Variants in KANK1 observed in about 807,000 individuals in gnomAD.
The protein encoded by KANK1 is KN motif and ankyrin repeat domain-containing protein 1.
In KANK1, 109 loss-of-function variants were observed where a neutral mutation model predicts 106.2. The ratio of observed to expected loss-of-function variants is 1.03; its 90% CI spans 0.88 to 1.20. The LOEUF (loss-of-function observed/expected upper bound fraction) is 1.20, where lower values mean the gene tolerates loss of function less well. KANK1 is among the 50% of genes most tolerant of loss of function. The probability of loss-of-function intolerance (pLI) is 0.00; values close to 1 mark genes in which losing one functional copy is unlikely to be tolerated. For missense variants in KANK1, 2,399 were observed against 1,710.7 expected (o/e 1.40, Z -7.10); for synonymous variants, 873 against 652.2 (o/e 1.34, Z -5.16).
At chr9:526,342 G>T (rs982328612) in intron 1 of KANK1, among the ~76,000 whole-genome samples, 1 of 151,648 alleles carries the variant, frequency 6.6e-6, no homozygotes, top group Non-Finnish European at 1.5e-5. Context: ...TTGAAATATG[G>T]CTTTTATTAT....
intron 1 of KANK1, among the ~76,000 whole-genome samples, chr9:546,408 CA>C (rs1177550143): frequency 6.6e-6 from 1 of 151,982 alleles, no homozygotes; most frequent in East Asian, 1.9e-4. Flanking sequence ...TATCCAGCCC[CA>C]AACACCAGTT....
chr9:719,387 A>C (rs1204155534), intron 3 of KANK1, among the ~76,000 whole-genome samples: 1 of 152,334 alleles, frequency 6.6e-6, no homozygotes, highest in East Asian at 1.9e-4. Flanking sequence ...TTTCAGTCCT[A>C]CCTGTTCTCA....
At chr9:650,364 C>A (rs1325137779) in intron 1 of KANK1, among the ~76,000 whole-genome samples, 2 of 152,124 alleles carry the variant, frequency 1.3e-5, no homozygotes, top group African/African-American at 4.8e-5. Context: ...TAGTGCGATT[C>A]CTCTTTTACT....
rs59188995 is a variant in KANK1 at position 571,564 on chromosome 9, T to TA, written c.-84+66824dup. Among the ~76,000 whole-genome samples, 1,223 of 136,880 alleles carry TA rather than the reference T, an allele frequency of 8.9e-3. 18 individuals are homozygous for TA. Among genetic ancestry groups the TA allele is most frequent in the African/African-American group, 0.03 (1,134 of 37,734 alleles). The allele number at this position is 136,880 out of a possible 152,430, so 89.8% of individuals were successfully genotyped here. ...GAAACAGCTATGCTTCACTTCTAAATAAAAAAAAAAAAAATTTTAAAAACG... is the reference window on the plus strand; with the variant it reads ...GAAACAGCTATGCTTCACTTCTAAATAAAAAAAAAAAAAAATTTTAAAAACG... On this transcript the variant is annotated intron_variant, in intron 1 of 11. Transcript: ENST00000382297.
chr9:734,191 T>C (rs138594316), intron 6 of KANK1: 1,700 of 148,054 alleles, frequency 0.011, 14 homozygotes, highest in Non-Finnish European at 0.017. Flanking sequence ...TAAAGGCCAA[T>C]TGGTGAAGCC....
intron 1 of KANK1, among the ~76,000 whole-genome samples, chr9:547,498 G>A (rs1168575767): frequency 6.6e-6 from 1 of 151,876 alleles, no homozygotes; most frequent in Non-Finnish European, 1.5e-5. Flanking sequence ...AAAACAGGAA[G>A]TGTCTTAATT....
chr9:744,867 C>G (rs535929395), intron 11 of KANK1: 293 of 1,412,236 alleles, frequency 2.1e-4, no homozygotes, highest in Middle Eastern at 1.3e-3. Context: ...AGATAGCAGC[C>G]CCTGAGCCCA....
At chr9:740,431 C>T (rs888938750) in intron 8 of KANK1, among the ~76,000 whole-genome samples, 4 of 152,222 alleles carry the variant, frequency 2.6e-5, no homozygotes, top group African/African-American at 9.6e-5. Context: ...CTACCTGCTT[C>T]ACTTTCCTAA....
chr9:632,015 A>T (rs773806905), intron 1 of KANK1, among the ~76,000 whole-genome samples: 2 of 152,224 alleles, frequency 1.3e-5, no homozygotes, highest in Non-Finnish European at 2.9e-5. Flanking sequence ...TCTGTATTGC[A>T]TGAGTACAAA....
chr9:636,848 C>T (rs964049026), intron 1 of KANK1, among the ~76,000 whole-genome samples: 5 of 152,144 alleles, frequency 3.3e-5, no homozygotes, highest in Non-Finnish European at 5.9e-5. Context: ...CAGGCGACAG[C>T]GCGAGACTCC....
chr9:637,384 G>A (rs1304865662), intron 1 of KANK1, among the ~76,000 whole-genome samples: 3 of 152,136 alleles, frequency 2.0e-5, no homozygotes, highest in Non-Finnish European at 2.9e-5. Flanking sequence ...ATTTTGTATG[G>A]TTCAACATTC....
chr9:673,552 T>C (rs7037839), intron 1 of KANK1: 26,880 of 152,124 alleles, frequency 0.18, 3,105 homozygotes, highest in East Asian at 0.34. Context: ...TTACAGTTCC[T>C]AATTTTAGGC....
intron 1 of KANK1, among the ~76,000 whole-genome samples, chr9:570,357 A>T (rs560194420): frequency 1.3e-5 from 2 of 152,214 alleles, no homozygotes; most frequent in African/African-American, 2.4e-5. Context: ...GTGTTGAGAT[A>T]AGAGAGGTTT....
chr9:587,559 A>G (rs1326419890), intron 1 of KANK1, among the ~76,000 whole-genome samples: 2 of 152,210 alleles, frequency 1.3e-5, no homozygotes, highest in Non-Finnish European at 2.9e-5. Context: ...TTCTAGAGAT[A>G]ATCAATGTTA....
At chr9:591,238 A>G (rs1233371607) in intron 1 of KANK1, among the ~76,000 whole-genome samples, 2 of 151,834 alleles carry the variant, frequency 1.3e-5, no homozygotes, top group Non-Finnish European at 2.9e-5. Flanking sequence ...GAATTTTTAT[A>G]CTGCTTTTAA....
chr9:545,823 G>A (rs1377740781), intron 1 of KANK1, among the ~76,000 whole-genome samples: 1 of 145,946 alleles, frequency 6.9e-6, no homozygotes. Context: ...TCGGCTCACT[G>A]CAACCTCTGC....
intron 2 of KANK1, among the ~76,000 whole-genome samples, chr9:683,707 G>C (rs945287449): frequency 1.3e-5 from 2 of 152,166 alleles, no homozygotes; most frequent in African/African-American, 4.8e-5. Context: ...GATTATGTTG[G>C]TAAGTTACTT....
At chr9:688,213 G>A (rs976474661) in intron 2 of KANK1, among the ~76,000 whole-genome samples, 1 of 152,178 alleles carries the variant, frequency 6.6e-6, no homozygotes, top group East Asian at 1.9e-4. Flanking sequence ...TGAACAGATG[G>A]CTTTTACTGT....
chr9:607,267 C>T lies in KANK1; in HGVS notation c.-83-69623C>T, dbSNP rs145423621. 1.4e-4 allele frequency among the ~76,000 whole-genome samples: 21 copies of T among 151,756 alleles called. 1 individual carries two copies. The East Asian group carries it at 3.9e-3, about 28-fold the overall frequency. On this transcript the variant is annotated intron_variant, in intron 1 of 11. Coordinates refer to ENST00000382297, the MANE Select transcript of KANK1 (RefSeq NM_015158.5). ...TTGGGAGGCCAAGGCGGGTGGATCA[C>T]TTGAGGTCAGAAGTTCAAGACCAGC... is the stretch of plus-strand genomic sequence containing the variant.
Sources: allele counts gnomAD v4.1 joint callset (sites outside exome capture counted in the v4.1 genomes callset), GRCh38; gene constraint gnomAD v4.1.1; transcripts MANE v1.5; gene names NCBI Gene and HGNC (gene_info 2026-07-23, HGNC 2026-07-21).